UGGT1: variants seen among roughly 807,000 people sequenced by gnomAD.
UGGT1 encodes the protein UDP-glucose glycoprotein glucosyltransferase 1, also known as UDP-glucose:glycoprotein glucosyltransferase 1.
UGGT1 carries 107 observed loss-of-function variants against 203.9 expected under a neutral mutation model. That is an observed-to-expected ratio of 0.52 (90% confidence interval 0.45 to 0.62). The LOEUF is 0.62. Ranked by LOEUF, UGGT1 falls within the 20% of genes least tolerant of loss-of-function variation. The probability of loss-of-function intolerance (pLI) is 0.00; values close to 1 mark genes in which losing one functional copy is unlikely to be tolerated. For missense variants in UGGT1, 1,673 were observed against 1,867.2 expected (o/e 0.90, Z 1.92); for synonymous variants, 628 against 653.5 (o/e 0.96, Z 0.59).
At chr2:128,174,973 A>C in intron 31 of UGGT1, 115 bp downstream of exon 31, 1 of 824,000 alleles carries the variant, frequency 1.2e-6, no homozygotes, top group Non-Finnish European at 1.9e-6. Context: ...TTGCAGTTGT[A>C]TGTGATGAAA....
At chr2:128,180,104 A>G (rs559995759) in intron 35 of UGGT1, among the ~76,000 whole-genome samples, 63 of 152,306 alleles carry the variant, frequency 4.1e-4, no homozygotes, top group Non-Finnish European at 7.8e-4. Flanking sequence ...TGTTGTTGTT[A>G]TTATTAGCAG....
rs1246150399 is a variant in UGGT1, at chr2:128,193,151, T to C, written c.*3409T>C. 4.7e-5 allele frequency: 5 copies of C among 105,992 alleles called. No homozygotes were observed. Among genetic ancestry groups the C allele is most frequent in the African/African-American group, 1.9e-4 (5 of 26,680 alleles). 6.6% of individuals were successfully genotyped at this position (105,992 alleles called of 1,614,324 possible). ...GAGATCATGCCACTGCACTCCAGCC[T>C]GGCAATAGAGCGAGACTCCGTCTCA... is the stretch of plus-strand genomic sequence containing the variant. On this transcript the variant is annotated 3_prime_UTR_variant, in exon 41 of 41. Transcript: ENST00000259253.
chr2:128,175,214 A>G (rs1213003990), intron 31 of UGGT1, among the ~76,000 whole-genome samples: 1 of 152,156 alleles, frequency 6.6e-6, no homozygotes, highest in Admixed American at 6.5e-5. Flanking sequence ...TTTTCTGCCC[A>G]GAGAGTGTAT....
chr2:128,151,227 C>T, intron 18 of UGGT1: 1 of 592,530 alleles, frequency 1.7e-6, no homozygotes, highest in Non-Finnish European at 3.2e-6. Flanking sequence ...TTTGTTTCTT[C>T]TGCTCCTCTT....
At chr2:128,138,641 G>A (rs1689260248) in intron 15 of UGGT1, 76 bp from the exon 16 acceptor site, 1 of 1,513,220 alleles carries the variant, frequency 6.6e-7, no homozygotes, top group Non-Finnish European at 8.9e-7. Context: ...GTATGAGAAG[G>A]GTACAAGGAT....
Position 128,186,708 on chromosome 2 carries a change from A to G in UGGT1, c.4385A>G (p.Gln1462Arg). The stretch of plus-strand genomic sequence containing the variant: ...GATCTGCCCAATAACATGATTCATC[A>G]GGTGCCAATTAAATCCCTCCCTCAA... ...DQDLPNNMIH[Q>R]VPIKSLPQEW... The change falls in exon 39 of 41, where the codon CAG becomes CGG. Residue 1462 changes from glutamine to arginine, a missense_variant. Physicochemically the swap from Gln to Arg is conservative, Grantham distance 43. Around this residue, in one of 4 missense-constraint regions of UGGT1, gnomAD observed 513 missense variants for 684.1 expected, o/e 0.75. Coordinates refer to ENST00000259253, the MANE Select transcript of UGGT1 (RefSeq NM_020120.4). The G allele has an allele frequency of 6.2e-7, 1 of 1,613,650 alleles. No individual in the cohort carries two copies. Among genetic ancestry groups the G allele is most frequent in the South Asian group, 1.1e-5 (1 of 91,018 alleles).
intron 32 of UGGT1, 77 bp from the exon 33 acceptor site, chr2:128,177,755 A>G: frequency 8.4e-7 from 1 of 1,186,224 alleles, no homozygotes; most frequent in South Asian, 1.6e-5. Context: ...TGACAGGCTC[A>G]CAGTGTATAT....
chr2:128,131,533 C>A (rs781010642), intron 13 of UGGT1, among the ~76,000 whole-genome samples: 2 of 152,030 alleles, frequency 1.3e-5, no homozygotes, highest in Non-Finnish European at 2.9e-5. Flanking sequence ...TTTAATTAGG[C>A]TCTTTTTTCC....
At chr2:128,145,545 C>T (rs187349664) in intron 17 of UGGT1, 4 of 373,254 alleles carry the variant, frequency 1.1e-5, no homozygotes, top group African/African-American at 8.4e-5. Flanking sequence ...CACGTACACA[C>T]ACACGCACTT....
chr2:128,156,555 A>ATTTTT (rs397792244), intron 21 of UGGT1, 140 bp downstream of exon 21: 6 of 404,962 alleles, frequency 1.5e-5, no homozygotes, highest in Admixed American at 5.2e-5. Flanking sequence ...AATGTAGATA[A>ATTTTT]TTTTTTTTTT....
rs1050766320 is a variant in UGGT1, at chr2:128,143,013, T to C, written c.1720-81T>C. On this transcript the variant is annotated intron_variant, in intron 16 of 40. Transcript: ENST00000259253. Reference sequence around the variant, plus strand: ...AAAGAAAAATAAGTATATTTTCCTCTAAATTCAGAAAAATGTGGAATAAAC... The same window carrying C: ...AAAGAAAAATAAGTATATTTTCCTCCAAATTCAGAAAAATGTGGAATAAAC... 4 of 1,373,704 alleles carry C rather than the reference T, an allele frequency of 2.9e-6. No individual in the cohort carries two copies. In the African/African-American group the frequency reaches 4.5e-5, roughly 15 times the overall value. The allele number at this position is 1,373,704 out of a possible 1,614,324, so 85.1% of individuals were successfully genotyped here.
intron 12 of UGGT1, 68 bp downstream of exon 12, chr2:128,127,520 T>C: frequency 8.4e-7 from 1 of 1,192,890 alleles, no homozygotes; most frequent in South Asian, 1.3e-5. Flanking sequence ...CATGTTCATA[T>C]TGCCGTTCCT....
At position 128,101,314 on chromosome 2, in the gene UGGT1, C is replaced by T. The variant is rs1687365079; in HGVS notation, c.195-2618C>T. On this transcript the variant is annotated intron_variant, in intron 2 of 40. Coordinates refer to ENST00000259253, the MANE Select transcript of UGGT1 (RefSeq NM_020120.4). ...TTTTACTACACTTTATGGCATGCCA[C>T]CACCACAGATCTTTTGCCTTCCTTG... 2.0e-5 allele frequency among the ~76,000 whole-genome samples: 3 copies of T among 152,196 alleles called. 1 individual carries two copies. The South Asian group carries it at 6.2e-4, about 32-fold the overall frequency.
chr2:128,179,896 C>T lies in UGGT1; in HGVS notation c.3900+26C>T, dbSNP rs774754858. ...GTTTGTTTCACAGAGAAAGGGAAAA[C>T]ATTCTTATTAAGGAGATATTTACTG... On this transcript the variant is annotated intron_variant, in intron 35 of 40. Coordinates refer to ENST00000259253, the MANE Select transcript of UGGT1 (RefSeq NM_020120.4). The T allele has an allele frequency of 1.5e-5, 23 of 1,583,520 alleles. No homozygotes were observed. The East Asian group carries it at 3.8e-4, about 26-fold the overall frequency.
In UGGT1 at chr2:128,144,821, A is replaced by G. The variant is rs1031399615; in HGVS notation, c.1852-982A>G. ...ATGGGAGTTCTTTTCTACTGGTGCT[A>G]TCTAAAATGGTTATAAATAATTAAA... is the stretch of plus-strand genomic sequence containing the variant. On this transcript the variant is annotated intron_variant, in intron 17 of 40. Coordinates refer to ENST00000259253, the MANE Select transcript of UGGT1 (RefSeq NM_020120.4). 4.6e-5 allele frequency among the ~76,000 whole-genome samples: 7 copies of G among 152,308 alleles called. No homozygotes were observed. The East Asian group carries it at 1.2e-3, about 25-fold the overall frequency.
intron 34 of UGGT1, 90 bp from the exon 35 acceptor site, chr2:128,179,696 G>A: frequency 2.7e-6 from 3 of 1,103,124 alleles, no homozygotes; most frequent in Non-Finnish European, 4.0e-6. Flanking sequence ...GCCGTAAAGA[G>A]CATTTAGGTG....
intron 26 of UGGT1, among the ~76,000 whole-genome samples, chr2:128,167,741 ATGT>A (rs1457113627): frequency 2.0e-5 from 3 of 152,094 alleles, no homozygotes; most frequent in Non-Finnish European, 4.4e-5. Context: ...TTTAAACATG[ATGT>A]TGTTCATATT....
intron 26 of UGGT1, among the ~76,000 whole-genome samples, chr2:128,169,820 A>G (rs570379103): frequency 1.1e-3 from 171 of 152,386 alleles, no homozygotes; most frequent in African/African-American, 3.7e-3. Flanking sequence ...TTATACAGGC[A>G]TCTAGAAAGG....
At chr2:128,102,082 T>C (rs1687400641) in intron 2 of UGGT1, among the ~76,000 whole-genome samples, 2 of 152,100 alleles carry the variant, frequency 1.3e-5, no homozygotes, top group Non-Finnish European at 2.9e-5. Context: ...CACCCCCTTC[T>C]CTCCTCCCGC....
Sources: gnomAD v4.1 joint callset for allele counts (sites outside exome capture counted in the v4.1 genomes callset) on GRCh38, gnomAD v4.1.1 for gene constraint, gnomAD v4.1.1 regional missense constraint, MANE v1.5 for transcripts, NCBI Gene and HGNC (gene_info 2026-07-23, HGNC 2026-07-21) for gene names.